NUDT6: variants seen among roughly 807,000 people sequenced by gnomAD.
NUDT6 encodes the protein nudix hydrolase 6.
A neutral mutation model predicts 36.8 loss-of-function variants in NUDT6; 24 were observed. The ratio of observed to expected loss-of-function variants is 0.65; its 90% CI spans 0.47 to 0.92. NUDT6 has a LOEUF of 0.92. Among genes scored for constraint, NUDT6 ranks in the 40% least tolerant of loss-of-function variants. NUDT6 has a pLI of 0.00. For synonymous variants in NUDT6, 163 were observed against 157.0 expected, an observed-to-expected ratio of 1.04 and a Z score of -0.29; for missense variants, 388 against 392.8, an observed-to-expected ratio of 0.99 and a Z score of 0.10.
intron 3 of NUDT6, among the ~76,000 whole-genome samples, chr4:122,902,980 A>C (rs1578492678): frequency 6.6e-6 from 1 of 152,206 alleles, no homozygotes; most frequent in Non-Finnish European, 1.5e-5. Context: ...TTAGTTGTTT[A>C]TAATAAGTAA....
chr4:122,897,488 T>C (rs1727398088), intron 4 of NUDT6, 136 bp downstream of exon 4: 8 of 681,284 alleles, frequency 1.2e-5, no homozygotes, highest in Admixed American at 1.1e-4. Context: ...AGCTCTGAGG[T>C]AATTTCTGAA....
intron 3 of NUDT6, 83 bp downstream of exon 3, chr4:122,912,485 G>A: frequency 1.1e-6 from 1 of 908,092 alleles, no homozygotes; most frequent in Non-Finnish European, 1.8e-6. Flanking sequence ...AACCCCTTAG[G>A]CATATTAAAA....
At chr4:122,897,778 G>T in intron 3 of NUDT6, 100 bp from the exon 4 acceptor site, 1 of 826,758 alleles carries the variant, frequency 1.2e-6, no homozygotes. Context: ...AAGTGGTTGA[G>T]AATATATTTT....
At chr4:122,913,917 T>C (rs1401725591) in intron 2 of NUDT6, among the ~76,000 whole-genome samples, 1 of 152,240 alleles carries the variant, frequency 6.6e-6, no homozygotes, top group Non-Finnish European at 1.5e-5. Context: ...TTTTAAAAGA[T>C]ACTTTCTACA....
intron 3 of NUDT6, among the ~76,000 whole-genome samples, chr4:122,902,152 A>C (rs1359780131): frequency 6.6e-6 from 1 of 152,222 alleles, no homozygotes; most frequent in Non-Finnish European, 1.5e-5. Flanking sequence ...GACAGAAGCT[A>C]CCACAGAGTG....
In NUDT6 at chr4:122,917,717, GA is replaced by G; in HGVS notation, c.239-14del. On this transcript the variant is annotated splice_polypyrimidine_tract_variant and intron_variant, in intron 1 of 4. Transcript: ENST00000304430. ...TGCTGTACTGCAGCTAAATGCAGAA[GA>G]AAAAAGTCTAAATAATTTCCAAAGA... 6.2e-7 allele frequency: 1 copy of G among 1,610,088 alleles called. No homozygotes were observed. The highest frequency in any genetic ancestry group is 8.5e-7 in the Non-Finnish European group (1 of 1,177,944).
In NUDT6 at chr4:122,892,609, T is replaced by A. The variant is rs1727217432; in HGVS notation, c.*219A>T. On this transcript the variant is annotated 3_prime_UTR_variant, in exon 5 of 5. Transcript: ENST00000304430. ...TATATTCTCCCTTTTATATTGCATC[T>A]GCTGTTACCCAGTGAAGCTTACCTA... 2.1e-5 allele frequency: 30 copies of A among 1,435,632 alleles called. No individual in the cohort carries two copies. The highest frequency in any genetic ancestry group is 2.7e-5 in the Non-Finnish European group (30 of 1,099,450). The allele number at this position is 1,435,632 out of a possible 1,614,324, so 88.9% of individuals were successfully genotyped here. A position where few individuals can be genotyped will look rare whatever the true frequency, so the allele number is the denominator to read the frequency against.
At chr4:122,909,411 C>T (rs763819715) in intron 3 of NUDT6, among the ~76,000 whole-genome samples, 2 of 152,244 alleles carry the variant, frequency 1.3e-5, no homozygotes, top group Middle Eastern at 3.4e-3. Context: ...GAAATTATTT[C>T]ATGCAAGTAT....
chr4:122,919,658 A>G (rs1331384126), intron 1 of NUDT6: 1 of 152,030 alleles, frequency 6.6e-6, no homozygotes, highest in Non-Finnish European at 1.5e-5. Flanking sequence ...CTCACCTCCC[A>G]TTCCCATTGC....
chr4:122,906,754 C>T (rs1727624021), intron 3 of NUDT6, among the ~76,000 whole-genome samples: 1 of 152,104 alleles, frequency 6.6e-6, no homozygotes, highest in Non-Finnish European at 1.5e-5. Flanking sequence ...GGAGGCCACA[C>T]AAGACACAGG....
At position 122,892,769 on chromosome 4, in the gene NUDT6, G is replaced by A; in HGVS notation, c.*59C>T. The A allele has an allele frequency of 7.1e-7, 1 of 1,410,364 alleles. No homozygotes were observed. Among genetic ancestry groups the A allele is most frequent in the Non-Finnish European group, 9.6e-7 (1 of 1,044,656 alleles). The allele number at this position is 1,410,364 out of a possible 1,614,324, so 87.4% of individuals were successfully genotyped here. On this transcript the variant is annotated 3_prime_UTR_variant, in exon 5 of 5. Coordinates refer to ENST00000304430, the MANE Select transcript of NUDT6 (RefSeq NM_007083.5). ...GTCAGATGTTTAATCAATCCAAAAT[G>A]TCCACTATTTCTTATGTCATTCGTT...
rs186248339 is a variant in NUDT6, at chr4:122,910,485, C to T, written c.498+2083G>A. 3.1e-3 allele frequency among the ~76,000 whole-genome samples: 465 copies of T among 152,264 alleles called. 7 individuals are homozygous for T. In the South Asian group the frequency reaches 0.032, roughly 10 times the overall value. On this transcript the variant is annotated intron_variant, in intron 3 of 4. Transcript: ENST00000304430. Reference sequence around the variant, plus strand: ...GCTAGATTCTTATTTGGTAGATTAACCAACCCTGAAGGACTGCTTGGAGTG... The same window carrying T: ...GCTAGATTCTTATTTGGTAGATTAATCAACCCTGAAGGACTGCTTGGAGTG...
At chr4:122,917,810 A>C in intron 1 of NUDT6, 106 bp from the exon 2 acceptor site, 2 of 920,366 alleles carry the variant, frequency 2.2e-6, no homozygotes, top group South Asian at 3.4e-5. Context: ...CTTTAAGCAA[A>C]AGAGGTCCCC....
At chr4:122,914,967 A>G (rs1197079492) in intron 2 of NUDT6, among the ~76,000 whole-genome samples, 2 of 152,160 alleles carry the variant, frequency 1.3e-5, no homozygotes, top group Non-Finnish European at 2.9e-5. Flanking sequence ...AGCTGGATAA[A>G]GGGACAAGGA....
chr4:122,911,511 AT>A (rs1181111321), intron 3 of NUDT6, among the ~76,000 whole-genome samples: 1 of 152,146 alleles, frequency 6.6e-6, no homozygotes, highest in Non-Finnish European at 1.5e-5. Context: ...TGTTCTATAA[AT>A]TTCTGTTGAG....
chr4:122,896,623 C>T (rs1447536318), intron 4 of NUDT6: 6 of 152,000 alleles, frequency 3.9e-5, no homozygotes, highest in African/African-American at 1.5e-4. Flanking sequence ...AGCAAAAGGT[C>T]AATAAGTACC....
At chr4:122,922,867 A>G (rs554542617), upstream of NUDT6, 19 of 563,524 alleles carry the variant, frequency 3.4e-5, no homozygotes, top group African/African-American at 3.2e-4. Context: ...GAGGAGATGC[A>G]AAAACGTCCT....
intron 1 of NUDT6, chr4:122,921,930 T>C: frequency 5.7e-6 from 1 of 176,660 alleles, no homozygotes; most frequent in Non-Finnish European, 1.2e-5. Context: ...TTAACAAACA[T>C]CTACTGAGCT....
At position 122,892,877 on chromosome 4, in the gene NUDT6, T is replaced by C. The variant is rs1237104557; in HGVS notation, c.902A>G (p.Tyr301Cys). 5.6e-6 allele frequency: 9 copies of C among 1,611,970 alleles called. No individual in the cohort carries two copies. The highest frequency in any genetic ancestry group is 1.6e-4 in the Middle Eastern group (1 of 6,074). ...ATAATTCTCTGGCAGTTCCTTATGA[T>C]AGAGTTTATAAAACAGTCCTGTGTA... Reference protein sequence around the residue: ...AVYTGLFYKLYHKELPENYKT... With the variant: ...AVYTGLFYKLCHKELPENYKT... Residue 301 changes from tyrosine to cysteine, a missense_variant, in exon 5 of 5, where the codon TAT becomes TGT. Physicochemically the swap from Tyr to Cys is radical, Grantham distance 194. Coordinates refer to ENST00000304430, the MANE Select transcript of NUDT6 (RefSeq NM_007083.5).
Sources: allele counts gnomAD v4.1 joint callset (sites outside exome capture counted in the v4.1 genomes callset), GRCh38; gene constraint gnomAD v4.1.1; transcripts MANE v1.5; gene names NCBI Gene and HGNC (gene_info 2026-07-23, HGNC 2026-07-21).